CHCT1: variants seen among roughly 807,000 people sequenced by gnomAD.
CHCT1 encodes CHD1 helical C-terminal domain containing protein 1.
At chr17:60,427,467 G>T in the CHCT1 span, among the ~76,000 whole-genome samples, 3 of 151,996 alleles carry the variant, frequency 2.0e-5, no homozygotes, top group Non-Finnish European at 2.9e-5. Context: ...ATCCAAGCTG[G>T]AGTGTCGTGG....
At chr17:60,424,659 G>C in the CHCT1 span, among the ~76,000 whole-genome samples, 1 of 152,024 alleles carries the variant, frequency 6.6e-6, no homozygotes, top group Non-Finnish European at 1.5e-5. Context: ...CGAGGTGGGT[G>C]GATCACTTGA....
the CHCT1 span, chr17:60,425,689 G>A: frequency 2.3e-6 from 2 of 888,196 alleles, no homozygotes; most frequent in Admixed American, 2.2e-5. Context: ...CAATGGAGAA[G>A]GGCTTTGGCT....
the CHCT1 span, chr17:60,431,216 A>G: frequency 6.2e-7 from 1 of 1,605,462 alleles, no homozygotes; most frequent in South Asian, 1.1e-5. Context: ...ACCAAAACTC[A>G]AGAGGAAGAG....
At chr17:60,421,834 C>T in the CHCT1 span, 1 of 984,742 alleles carries the variant, frequency 1.0e-6, no homozygotes, top group Non-Finnish European at 1.2e-6. Context: ...CACCCGGCTC[C>T]CCGCCTGGTG....
the CHCT1 span, among the ~76,000 whole-genome samples, chr17:60,428,139 T>G: frequency 2.0e-5 from 3 of 152,212 alleles, no homozygotes; most frequent in African/African-American, 7.2e-5. Context: ...TACTTTATAT[T>G]CCTTCAAGTA....
At chr17:60,422,664 G>T in the CHCT1 span, 1 of 1,538,730 alleles carries the variant, frequency 6.5e-7, no homozygotes, top group Non-Finnish European at 8.8e-7. Context: ...GTGTGAGGGA[G>T]GGAGGGAAGG....
the CHCT1 span, chr17:60,421,350 C>T: frequency 1.4e-5 from 14 of 985,396 alleles, no homozygotes; most frequent in Non-Finnish European, 1.7e-5. Context: ...CTCCAAAGCT[C>T]CGGGCCTCCG....
At chr17:60,429,315 G>A in the CHCT1 span, 153 of 1,573,372 alleles carry the variant, frequency 9.7e-5, no homozygotes, top group Non-Finnish European at 1.1e-4. Context: ...TAAAGTTCAG[G>A]TCCCCCTCTT....
At chr17:60,422,525 G>GC in the CHCT1 span, 2 of 1,544,346 alleles carry the variant, frequency 1.3e-6, no homozygotes, top group East Asian at 2.5e-5. Flanking sequence ...GGTCACAGAA[G>GC]CAGTGGGTCA....
the CHCT1 span, chr17:60,426,247 C>G: frequency 1.9e-6 from 3 of 1,551,974 alleles, no homozygotes; most frequent in Non-Finnish European, 1.7e-6. Context: ...AGCTGAAGTA[C>G]ATGAAGCAGA....
At chr17:60,421,631 T>A in the CHCT1 span, 1 of 973,390 alleles carries the variant, frequency 1.0e-6, no homozygotes, top group South Asian at 4.8e-5. Flanking sequence ...CCCCGCCGTG[T>A]GCCGCCCAGG....
the CHCT1 span, chr17:60,429,464 A>G: frequency 6.2e-7 from 1 of 1,614,252 alleles, no homozygotes; most frequent in Non-Finnish European, 8.5e-7. Context: ...CAGCAACATC[A>G]GCGGCATGAA....
chr17:60,429,366 C>A, the CHCT1 span: 1 of 1,612,994 alleles, frequency 6.2e-7, no homozygotes. Flanking sequence ...TGGCAGGTGA[C>A]ATTCTGCGCC....
chr17:60,421,975 A>T, the CHCT1 span: 4 of 981,774 alleles, frequency 4.1e-6, no homozygotes, highest in Non-Finnish European at 4.8e-6. Flanking sequence ...ACTGGCGGGG[A>T]TCTTTATACA....
chr17:60,421,309 GT>G, the CHCT1 span: 1 of 932,910 alleles, frequency 1.1e-6, no homozygotes, highest in Non-Finnish European at 1.3e-6. Flanking sequence ...TAGAGGACAA[GT>G]TAAAAAGTTT....
the CHCT1 span, chr17:60,429,255 G>A: frequency 8.0e-7 from 1 of 1,255,096 alleles, no homozygotes; most frequent in Non-Finnish European, 1.1e-6. Context: ...AGGCAAGTGT[G>A]ACCGGCAGGC....
At chr17:60,425,760 T>C in the CHCT1 span, 3 of 1,522,138 alleles carry the variant, frequency 2.0e-6, no homozygotes, top group South Asian at 3.6e-5. Context: ...TCCCCCGGCT[T>C]AGTGCCCCCT....
the CHCT1 span, among the ~76,000 whole-genome samples, chr17:60,423,845 G>C: frequency 1.3e-5 from 2 of 152,190 alleles, no homozygotes; most frequent in Admixed American, 6.5e-5. Context: ...TTTCTGAATA[G>C]TCATTAGATG....
the CHCT1 span, chr17:60,426,837 G>A: frequency 3.7e-5 from 59 of 1,580,572 alleles, no homozygotes; most frequent in East Asian, 4.7e-5. Context: ...AAGACATTCC[G>A]CCCGAGCACA....
Sources: allele counts gnomAD v4.1 joint callset (sites outside exome capture counted in the v4.1 genomes callset), GRCh38; gene constraint gnomAD v4.1.1; transcripts MANE v1.5; gene names NCBI Gene and HGNC (gene_info 2026-07-23, HGNC 2026-07-21).